GABRB2: variants seen among roughly 807,000 people sequenced by gnomAD.
GABRB2 encodes gamma-aminobutyric acid type A receptor subunit beta2, also known as gamma-aminobutyric acid receptor subunit beta-2.
A neutral mutation model predicts 54.7 loss-of-function variants in GABRB2; 16 were observed. The observed-to-expected ratio is 0.29, with a 90% CI of 0.20 to 0.44. GABRB2 has a LOEUF of 0.44. Among genes scored for constraint, GABRB2 ranks in the 20% least tolerant of loss-of-function variants. The pLI is 1.00. For missense variants in GABRB2, 355 were observed against 644.0 expected, an observed-to-expected ratio of 0.55 and a Z score of 4.86; for synonymous variants, 244 against 233.8, an observed-to-expected ratio of 1.04 and a Z score of -0.40.
chr5:161,423,271 T>C (rs1756901657), intron 4 of GABRB2, among the ~76,000 whole-genome samples: 1 of 152,160 alleles, frequency 6.6e-6, no homozygotes, highest in Non-Finnish European at 1.5e-5. Context: ...GAAAAATCCC[T>C]CTTCATCTTG....
At chr5:161,300,370 T>C (rs1041783178) in intron 9 of GABRB2, among the ~76,000 whole-genome samples, 1 of 152,162 alleles carries the variant, frequency 6.6e-6, no homozygotes, top group Admixed American at 6.5e-5. Flanking sequence ...TTTGGAGGCC[T>C]ACTACACCAC....
intron 3 of GABRB2, among the ~76,000 whole-genome samples, chr5:161,472,537 A>T (rs1482551757): frequency 6.6e-6 from 1 of 151,778 alleles, no homozygotes; most frequent in East Asian, 1.9e-4. Context: ...GGGTGGGGAG[A>T]TGAATGTCAG....
intron 4 of GABRB2, among the ~76,000 whole-genome samples, chr5:161,455,154 A>G (rs1222342840): frequency 6.6e-6 from 1 of 152,262 alleles, no homozygotes; most frequent in East Asian, 1.9e-4. Flanking sequence ...AACCAAGCAC[A>G]AAATATGAGC....
At chr5:161,526,541 G>A (rs1217646405) in intron 3 of GABRB2, among the ~76,000 whole-genome samples, 2 of 151,126 alleles carry the variant, frequency 1.3e-5, no homozygotes, top group Non-Finnish European at 3.0e-5. Context: ...ATGTGCTGAT[G>A]ATTTGGCTTA....
At chr5:161,299,466 GT>G (rs1354829847) in intron 9 of GABRB2, among the ~76,000 whole-genome samples, 2 of 152,148 alleles carry the variant, frequency 1.3e-5, no homozygotes, top group Middle Eastern at 3.2e-3. Context: ...TGCTGAGATG[GT>G]TCAACTGTAA....
At position 161,509,831 on chromosome 5, in the gene GABRB2, C is replaced by A. The variant is rs141161035; in HGVS notation, c.237+35396G>T. 3.3e-5 allele frequency among the ~76,000 whole-genome samples: 5 copies of A among 152,038 alleles called. No homozygotes were observed. In the East Asian group the frequency reaches 7.7e-4, roughly 23 times the overall value. On this transcript the variant is annotated intron_variant, in intron 3 of 9. Transcript: ENST00000393959. ...AAAGGCCACTATCATCTCTGCTTTGCCTCTTGAAATAGTTCCTTAAGGCCT... is the reference window on the plus strand; with the variant it reads ...AAAGGCCACTATCATCTCTGCTTTGACTCTTGAAATAGTTCCTTAAGGCCT...
At chr5:161,530,382 A>G (rs1201829734) in intron 3 of GABRB2, among the ~76,000 whole-genome samples, 1 of 152,126 alleles carries the variant, frequency 6.6e-6, no homozygotes, top group Non-Finnish European at 1.5e-5. Flanking sequence ...TGGTAAAATA[A>G]CAAGATAAAG....
intron 3 of GABRB2, among the ~76,000 whole-genome samples, chr5:161,524,964 A>G (rs926585390): frequency 1.3e-5 from 2 of 151,440 alleles, no homozygotes; most frequent in East Asian, 3.9e-4. Context: ...ACAATTAAAT[A>G]GGCTATGGCT....
At chr5:161,442,461 A>G (rs1027118151) in intron 4 of GABRB2, among the ~76,000 whole-genome samples, 5 of 152,204 alleles carry the variant, frequency 3.3e-5, no homozygotes, top group African/African-American at 1.2e-4. Context: ...CTGTAGCCAT[A>G]TGGAAAACTT....
At chr5:161,443,175 T>A (rs1438488179) in intron 4 of GABRB2, among the ~76,000 whole-genome samples, 3 of 152,186 alleles carry the variant, frequency 2.0e-5, no homozygotes, top group Admixed American at 6.5e-5. Context: ...AATGATCTAT[T>A]TTAAATTTAG....
chr5:161,444,533 T>C (rs1757559274), intron 4 of GABRB2, among the ~76,000 whole-genome samples: 1 of 152,142 alleles, frequency 6.6e-6, no homozygotes, highest in Admixed American at 6.6e-5. Context: ...TGATTGCAAA[T>C]GATAACATAA....
chr5:161,330,029 T>C (rs1753784004), intron 8 of GABRB2: 2 of 152,194 alleles, frequency 1.3e-5, no homozygotes, highest in Admixed American at 6.5e-5. Context: ...TGGGGAACTT[T>C]TTAAAATTGT....
At chr5:161,477,713 G>A (rs1277271126) in intron 3 of GABRB2, among the ~76,000 whole-genome samples, 4 of 151,922 alleles carry the variant, frequency 2.6e-5, no homozygotes, top group African/African-American at 9.7e-5. Flanking sequence ...GTCACAGAAT[G>A]CCAAACACGA....
At chr5:161,336,910 TG>T in intron 5 of GABRB2, 141 bp from the exon 6 acceptor site, 2 of 883,134 alleles carry the variant, frequency 2.3e-6, no homozygotes, top group Non-Finnish European at 3.3e-6. Flanking sequence ...GTTATGTGTT[TG>T]GTATCATACT....
intron 4 of GABRB2, among the ~76,000 whole-genome samples, chr5:161,441,631 A>T (rs1336132929): frequency 6.6e-6 from 1 of 152,224 alleles, no homozygotes; most frequent in Non-Finnish European, 1.5e-5. Flanking sequence ...AAATTTGTGT[A>T]TCAAATAGAT....
rs186345304 is a variant in GABRB2, at chr5:161,343,672, C to T, written c.542-6903G>A. Among the ~76,000 whole-genome samples the T allele has an allele frequency of 1.3e-4, 20 of 152,056 alleles. No individual in the cohort carries two copies. In the East Asian group the frequency reaches 3.1e-3, roughly 24 times the overall value. ...CAGTTAATAATAATAAACAAAATAGCCACAACAACAACAATAATATATAGC... is the reference window on the plus strand; with the variant it reads ...CAGTTAATAATAATAAACAAAATAGTCACAACAACAACAATAATATATAGC... On this transcript the variant is annotated intron_variant, in intron 5 of 9. Transcript: ENST00000393959.
intron 7 of GABRB2, among the ~76,000 whole-genome samples, chr5:161,332,437 T>C (rs1753880429): frequency 6.6e-6 from 1 of 152,158 alleles, no homozygotes; most frequent in Non-Finnish European, 1.5e-5. Flanking sequence ...GGACTGCTTA[T>C]GGAAAATGTG....
At chr5:161,384,851 T>C (rs1225031120) in intron 5 of GABRB2, among the ~76,000 whole-genome samples, 2 of 152,128 alleles carry the variant, frequency 1.3e-5, no homozygotes, top group Non-Finnish European at 2.9e-5. Flanking sequence ...ATCCCCATTC[T>C]TAGAGTTGGG....
At chr5:161,327,038 T>G in intron 8 of GABRB2, 2 of 773,394 alleles carry the variant, frequency 2.6e-6, no homozygotes, top group South Asian at 1.2e-4. Flanking sequence ...CAAATTCCAT[T>G]AGGACACACA....
Sources: gnomAD v4.1 joint callset for allele counts (sites outside exome capture counted in the v4.1 genomes callset) on GRCh38, gnomAD v4.1.1 for gene constraint, MANE v1.5 for transcripts, NCBI Gene and HGNC (gene_info 2026-07-23, HGNC 2026-07-21) for gene names.